Variants in TCAF1 observed in about 807,000 individuals in gnomAD.
TCAF1 encodes TRPM8 channel associated factor 1.
TCAF1 carries 4 observed loss-of-function variants against 27.3 expected under a neutral mutation model. The ratio of observed to expected loss-of-function variants is 0.15; its 90% CI spans 0.07 to 0.34. The LOEUF (loss-of-function observed/expected upper bound fraction) is 0.34. Ranked by LOEUF, TCAF1 falls within the 10% of genes least tolerant of loss-of-function variation. The pLI is 1.00. For synonymous variants in TCAF1, 105 were observed against 167.1 expected, an observed-to-expected ratio of 0.63 and a Z score of 2.87; for missense variants, 257 against 425.8, an observed-to-expected ratio of 0.60 and a Z score of 3.49.
intron 1 of TCAF1, among the ~76,000 whole-genome samples, chr7:143,878,799 A>G (rs1812857796): frequency 6.6e-6 from 1 of 152,296 alleles, no homozygotes; most frequent in East Asian, 1.9e-4. Context: ...CCAGCTGGTC[A>G]CAAGTCCTAT....
intron 1 of TCAF1, among the ~76,000 whole-genome samples, chr7:143,899,329 G>A (rs1425069794): frequency 6.6e-6 from 1 of 152,140 alleles, no homozygotes; most frequent in Non-Finnish European, 1.5e-5. Context: ...AAACTATAGT[G>A]GTTAAAAATT....
chr7:143,889,323 T>A (rs188955249), intron 1 of TCAF1, among the ~76,000 whole-genome samples: 22 of 152,124 alleles, frequency 1.4e-4, no homozygotes, highest in Non-Finnish European at 2.4e-4. Context: ...GTCTAACAAA[T>A]CCTAAAATGA....
At chr7:143,883,201 A>ATAT (rs1813175880) in intron 1 of TCAF1, among the ~76,000 whole-genome samples, 1 of 152,186 alleles carries the variant, frequency 6.6e-6, no homozygotes, top group Non-Finnish European at 1.5e-5. Context: ...ATACCGTGAT[A>ATAT]TATTGCCAAG....
intron 1 of TCAF1, chr7:143,885,169 G>A: frequency 7.1e-6 from 7 of 985,590 alleles, no homozygotes; most frequent in Non-Finnish European, 8.4e-6. Flanking sequence ...GTGTGCCCGG[G>A]CCTGGTCTGG....
intron 1 of TCAF1, chr7:143,882,846 G>A (rs1411759739): frequency 2.1e-5 from 21 of 985,560 alleles, no homozygotes; most frequent in South Asian, 4.7e-5. Flanking sequence ...CGACCGAGCC[G>A]GGATTTGGGA....
At chr7:143,885,490 A>T (rs1391846246) in intron 1 of TCAF1, 1 of 985,300 alleles carries the variant, frequency 1.0e-6, no homozygotes, top group Non-Finnish European at 1.2e-6. Flanking sequence ...ATGCCGCCCC[A>T]GATCCGGGAT....
chr7:143,875,799 G>A (rs183459438), intron 2 of TCAF1, among the ~76,000 whole-genome samples, 190 bp downstream of exon 2: 81 of 152,322 alleles, frequency 5.3e-4, no homozygotes, highest in African/African-American at 1.9e-3. Flanking sequence ...TCTGGTTTGG[G>A]AAGACAGGGG....
intron 1 of TCAF1, chr7:143,885,664 C>A: frequency 1.9e-6 from 1 of 535,888 alleles, no homozygotes; most frequent in Non-Finnish European, 2.4e-6. Context: ...TTATATAAAT[C>A]TACTTATATA....
Position 143,879,683 on chromosome 7 carries a change from A to C in TCAF1, c.-14-3061T>G, listed in dbSNP as rs139756794. Among the ~76,000 whole-genome samples the C allele has an allele frequency of 8.6e-3, 1,308 of 152,296 alleles. 21 individuals are homozygous for C. The highest frequency in any genetic ancestry group is 0.03 in the African/African-American group (1,227 of 41,554). ...AAAACCTAGAAGTACAGACAGATAGACTAATGACAAAGAATGTTTCCTAGA... is the reference window on the plus strand; with the variant it reads ...AAAACCTAGAAGTACAGACAGATAGCCTAATGACAAAGAATGTTTCCTAGA... On this transcript the variant is annotated intron_variant, in intron 1 of 8. Transcript: ENST00000479870.
chr7:143,852,231 ATCT>A lies in TCAF1; in HGVS notation c.*1899_*1901del, dbSNP rs1811335962. The A allele has an allele frequency of 6.6e-6, 1 of 151,860 alleles. No homozygotes were observed. The highest frequency in any genetic ancestry group is 6.6e-5 in the Admixed American group (1 of 15,164). The allele number at this position is 151,860 out of a possible 1,614,324, so 9.4% of individuals were successfully genotyped here. On this transcript the variant is annotated 3_prime_UTR_variant, in exon 9 of 9. Coordinates refer to ENST00000479870, the MANE Select transcript of TCAF1 (RefSeq NM_014719.3). ...GTCTTTCTTTTTTCTTGACTAAATA[ATCT>A]TCTCAAGCATCCCAGCTCTTCAATG...
At chr7:143,876,764 G>T in intron 1 of TCAF1, 142 bp from the exon 2 acceptor site, 1 of 563,146 alleles carries the variant, frequency 1.8e-6, no homozygotes. Flanking sequence ...TTAAGCACTC[G>T]GTGTTAGTGT....
chr7:143,891,552 T>C (rs1439210318), intron 1 of TCAF1, among the ~76,000 whole-genome samples: 2 of 152,012 alleles, frequency 1.3e-5, no homozygotes, highest in Non-Finnish European at 2.9e-5. Context: ...ATAGCAAAGG[T>C]AAGTAGAAAG....
chr7:143,886,497 C>T, intron 1 of TCAF1: 2 of 985,050 alleles, frequency 2.0e-6, no homozygotes, highest in Non-Finnish European at 2.4e-6. Flanking sequence ...CTATTCCCCA[C>T]TTCAACTAGG....
intron 1 of TCAF1, among the ~76,000 whole-genome samples, chr7:143,894,676 C>T (rs1206857024): frequency 6.6e-6 from 1 of 151,406 alleles, no homozygotes; most frequent in Non-Finnish European, 1.5e-5. Context: ...AACTCAAGTC[C>T]TAAGCATAAA....
intron 1 of TCAF1, chr7:143,885,271 TG>T: frequency 9.1e-6 from 9 of 984,926 alleles, no homozygotes; most frequent in Non-Finnish European, 1.1e-5. Context: ...CACAGAGATG[TG>T]GGAAGGCGCT....
chr7:143,897,730 C>T (rs1424106692), intron 1 of TCAF1, among the ~76,000 whole-genome samples: 2 of 152,014 alleles, frequency 1.3e-5, no homozygotes, highest in Non-Finnish European at 2.9e-5. Flanking sequence ...GTACTATAAT[C>T]ATTAAAATCT....
At position 143,898,287 on chromosome 7, in the gene TCAF1, C is replaced by T. The variant is rs112207367; in HGVS notation, c.-15+3674G>A. Among the ~76,000 whole-genome samples, 864 of 152,130 alleles carry T rather than the reference C, an allele frequency of 5.7e-3. 5 individuals carry two copies. The highest frequency in any genetic ancestry group is 0.019 in the African/African-American group (808 of 41,516). On this transcript the variant is annotated intron_variant, in intron 1 of 8. Transcript: ENST00000479870. ...ATATTTCTCATTATTATCTTAAGGACAAAACAAGATGCCCTTTATTACTTT... is the reference window on the plus strand; with the variant it reads ...ATATTTCTCATTATTATCTTAAGGATAAAACAAGATGCCCTTTATTACTTT...
At chr7:143,880,214 C>T (rs535808740) in intron 1 of TCAF1, among the ~76,000 whole-genome samples, 1 of 152,152 alleles carries the variant, frequency 6.6e-6, no homozygotes, top group Non-Finnish European at 1.5e-5. Context: ...GACAATAAAC[C>T]TATGAGATAT....
At position 143,851,519 on chromosome 7, in the gene TCAF1, A is replaced by G. The variant is rs1811283455; in HGVS notation, c.*2614T>C. 1 of 152,282 alleles carries G rather than the reference A, an allele frequency of 6.6e-6. No individual in the cohort carries two copies. Among genetic ancestry groups the G allele is most frequent in the African/African-American group, 2.4e-5 (1 of 41,468 alleles). 9.4% of individuals were successfully genotyped at this position (152,282 alleles called of 1,614,324 possible). On this transcript the variant is annotated 3_prime_UTR_variant, in exon 9 of 9. Transcript: ENST00000479870. ...AATCTAAATCCCATTCCCTAGAGGT[A>G]ATGCTTTTAACAATATTTATTTTAG...
Sources: allele counts gnomAD v4.1 joint callset (sites outside exome capture counted in the v4.1 genomes callset), GRCh38; gene constraint gnomAD v4.1.1; transcripts MANE v1.5; gene names NCBI Gene and HGNC (gene_info 2026-07-23, HGNC 2026-07-21).